Variants in RABGAP1 observed in about 807,000 individuals in gnomAD.
The protein encoded by RABGAP1 is rab GTPase-activating protein 1.
A neutral mutation model predicts 137.6 loss-of-function variants in RABGAP1; 23 were observed. The ratio of observed to expected loss-of-function variants is 0.17; its 90% CI spans 0.12 to 0.24. The LOEUF is 0.24. Ranked by LOEUF, RABGAP1 falls within the 10% of genes least tolerant of loss-of-function variation. RABGAP1 has a pLI of 1.00. For synonymous variants in RABGAP1, 451 were observed against 450.7 expected, an observed-to-expected ratio of 1.00 and a Z score of -0.01; for missense variants, 906 against 1,275.8, an observed-to-expected ratio of 0.71 and a Z score of 4.42.
At position 123,020,302 on chromosome 9, in the gene RABGAP1, T is replaced by A; in HGVS notation, c.1644-7T>A. 1 of 1,529,950 alleles carries A rather than the reference T, an allele frequency of 6.5e-7. No homozygotes were observed. Among genetic ancestry groups the A allele is most frequent in the Non-Finnish European group, 8.8e-7 (1 of 1,130,332 alleles). The allele number at this position is 1,529,950 out of a possible 1,614,324, so 94.8% of individuals were successfully genotyped here. On this transcript the variant is annotated splice_polypyrimidine_tract_variant and splice_region_variant and intron_variant, in intron 12 of 25. Coordinates refer to ENST00000373647, the MANE Select transcript of RABGAP1 (RefSeq NM_012197.4). ...TTATGATTTATGGTTTATGGCCTTA[T>A]TTTTAGGCATCTCAACTTGAATGTG...
In RABGAP1 at chr9:123,104,585, T is replaced by C. The variant is rs531959926; in HGVS notation, c.*1372T>C. 6.6e-6 allele frequency: 1 copy of C among 152,600 alleles called. No homozygotes were observed. Among genetic ancestry groups the C allele is most frequent in the South Asian group, 2.1e-4 (1 of 4,828 alleles). The allele number at this position is 152,600 out of a possible 1,614,324, so 9.5% of individuals were successfully genotyped here. ...GGTTGTTTTGTAGCTCTTTTTCTTATTGGCTGTACTAACGCTTGCTGAGGT... is the reference window on the plus strand; with the variant it reads ...GGTTGTTTTGTAGCTCTTTTTCTTACTGGCTGTACTAACGCTTGCTGAGGT... On this transcript the variant is annotated 3_prime_UTR_variant, in exon 26 of 26. Transcript: ENST00000373647.
intron 24 of RABGAP1, among the ~76,000 whole-genome samples, chr9:123,100,491 C>T (rs1564194832): frequency 6.6e-6 from 1 of 151,734 alleles, no homozygotes. Flanking sequence ...GGCGCCATCT[C>T]GGCTCACTGC....
At chr9:122,957,687 T>C (rs1834604740) in intron 2 of RABGAP1, among the ~76,000 whole-genome samples, 1 of 152,154 alleles carries the variant, frequency 6.6e-6, no homozygotes, top group Non-Finnish European at 1.5e-5. Flanking sequence ...TTTATTGATA[T>C]AAATAAAAAC....
intron 24 of RABGAP1, among the ~76,000 whole-genome samples, chr9:123,100,697 C>CTG (rs920411453): frequency 2.0e-4 from 31 of 152,266 alleles, no homozygotes; most frequent in African/African-American, 7.0e-4. Context: ...GGGATTACAG[C>CTG]TGTGAGCCAC....
chr9:123,059,235 T>C (rs1457115470), intron 13 of RABGAP1, among the ~76,000 whole-genome samples: 1 of 152,146 alleles, frequency 6.6e-6, no homozygotes, highest in Non-Finnish European at 1.5e-5. Flanking sequence ...TCTGAATGTT[T>C]ATGTCCCCCC....
chr9:122,933,495 C>T, the RABGAP1 span, among the ~76,000 whole-genome samples: 1 of 149,996 alleles, frequency 6.7e-6, no homozygotes, highest in Non-Finnish European at 1.5e-5. Flanking sequence ...ACTGTGTCAC[C>T]CAGGCTGGAG....
At chr9:122,967,835 TCCTGC>T (rs1835251131) in intron 2 of RABGAP1, among the ~76,000 whole-genome samples, 1 of 152,040 alleles carries the variant, frequency 6.6e-6, no homozygotes, top group South Asian at 2.1e-4. Flanking sequence ...CAAGTGATTC[TCCTGC>T]CTCAGCCTCC....
intron 2 of RABGAP1, 81 bp downstream of exon 2, chr9:122,957,290 T>C (rs968671893): frequency 4.4e-6 from 5 of 1,147,360 alleles, no homozygotes; most frequent in Middle Eastern, 2.1e-4. Flanking sequence ...AAAACAGATA[T>C]GGGAGGAAAG....
rs774509711 is a variant in RABGAP1 at position 122,957,225 on chromosome 9, C to G, written c.150+16C>G. On this transcript the variant is annotated intron_variant, in intron 2 of 25. Coordinates refer to ENST00000373647, the MANE Select transcript of RABGAP1 (RefSeq NM_012197.4). ...AGGACTCAAGGTAAAACTCCCTAACCTAAGATTGTTTTGCTTAGCTTTTCT... is the reference window on the plus strand; with the variant it reads ...AGGACTCAAGGTAAAACTCCCTAACGTAAGATTGTTTTGCTTAGCTTTTCT... 6 of 1,493,474 alleles carry G rather than the reference C, an allele frequency of 4.0e-6. No homozygotes were observed. Among genetic ancestry groups the G allele is most frequent in the East Asian group, 2.3e-5 (1 of 43,078 alleles). The allele number at this position is 1,493,474 out of a possible 1,614,324, so 92.5% of individuals were successfully genotyped here.
At chr9:123,095,656 C>T (rs1002240317) in intron 21 of RABGAP1, among the ~76,000 whole-genome samples, 2 of 151,432 alleles carry the variant, frequency 1.3e-5, no homozygotes, top group African/African-American at 4.9e-5. Context: ...GAGCTATGAT[C>T]GTACCACTGC....
intron 21 of RABGAP1, among the ~76,000 whole-genome samples, chr9:123,095,122 G>C (rs2035140770): frequency 1.3e-5 from 2 of 150,876 alleles, no homozygotes; most frequent in African/African-American, 4.9e-5. Context: ...AGCTACATAG[G>C]AGGCTTAGGT....
chr9:123,025,913 G>A (rs2031932559), intron 13 of RABGAP1, among the ~76,000 whole-genome samples: 1 of 150,744 alleles, frequency 6.6e-6, no homozygotes. Context: ...TTAAGACAAT[G>A]TTAAATGATG....
At chr9:122,998,522 C>A in intron 9 of RABGAP1, 75 bp from the exon 10 acceptor site, 1 of 1,218,270 alleles carries the variant, frequency 8.2e-7, no homozygotes, top group Non-Finnish European at 1.1e-6. Context: ...AAAGTAATAG[C>A]TTTTATGGAA....
chr9:123,062,765 G>C (rs2034026478), intron 13 of RABGAP1: 1 of 151,786 alleles, frequency 6.6e-6, no homozygotes, highest in South Asian at 2.1e-4. Context: ...GTGTACAGTT[G>C]AATTTCTAAA....
intron 2 of RABGAP1, among the ~76,000 whole-genome samples, chr9:122,977,224 C>T (rs1260335142): frequency 6.6e-6 from 1 of 152,084 alleles, no homozygotes; most frequent in Non-Finnish European, 1.5e-5. Flanking sequence ...CTACTAACTG[C>T]AGTAGGCTTA....
At chr9:123,067,603 T>C (rs1324629825) in intron 14 of RABGAP1, among the ~76,000 whole-genome samples, 2 of 152,220 alleles carry the variant, frequency 1.3e-5, no homozygotes, top group African/African-American at 4.8e-5. Flanking sequence ...CACTGTGCTC[T>C]GGTTGATTCA....
At chr9:122,994,188 G>A (rs1836899555) in intron 6 of RABGAP1, among the ~76,000 whole-genome samples, 1 of 152,108 alleles carries the variant, frequency 6.6e-6, no homozygotes, top group African/African-American at 2.4e-5. Flanking sequence ...TATTAGACCA[G>A]AAATATGATC....
chr9:122,998,095 T>C (rs1453043000), intron 9 of RABGAP1, among the ~76,000 whole-genome samples: 1 of 151,960 alleles, frequency 6.6e-6, no homozygotes, highest in African/African-American at 2.4e-5. Context: ...TTTTTTATTT[T>C]ATTTATTTAT....
At chr9:123,035,424 C>T in intron 13 of RABGAP1, 1 of 1,614,186 alleles carries the variant, frequency 6.2e-7, no homozygotes, top group Non-Finnish European at 8.5e-7. Context: ...GCTTCGCATC[C>T]TTCTTGACCA....
Sources: gnomAD v4.1 joint callset for allele counts (sites outside exome capture counted in the v4.1 genomes callset) on GRCh38, gnomAD v4.1.1 for gene constraint, MANE v1.5 for transcripts, NCBI Gene and HGNC (gene_info 2026-07-23, HGNC 2026-07-21) for gene names.